THADA: variants seen among roughly 807,000 people sequenced by gnomAD.
The protein encoded by THADA is THADA armadillo repeat containing.
THADA carries 213 observed loss-of-function variants against 219.8 expected under a neutral mutation model. The ratio of observed to expected loss-of-function variants is 0.97; its 90% CI spans 0.87 to 1.09. The LOEUF (loss-of-function observed/expected upper bound fraction) is 1.09. THADA is among the 50% of genes least tolerant of loss of function. The probability of loss-of-function intolerance (pLI) is 0.00; values close to 1 mark genes in which losing one functional copy is unlikely to be tolerated. For missense variants in THADA, 2,956 were observed against 2,311.3 expected (o/e 1.28, Z -5.72); for synonymous variants, 1,018 against 828.9 (o/e 1.23, Z -3.92).
chr2:43,328,552 T>G (rs1315603919), intron 30 of THADA, among the ~76,000 whole-genome samples: 2 of 152,232 alleles, frequency 1.3e-5, no homozygotes, highest in Non-Finnish European at 2.9e-5. Context: ...GAATTCTTAC[T>G]GAGCTACCAT....
At chr2:43,414,192 C>A (rs1164787718) in intron 28 of THADA, among the ~76,000 whole-genome samples, 1 of 152,200 alleles carries the variant, frequency 6.6e-6, no homozygotes, top group Non-Finnish European at 1.5e-5. Flanking sequence ...GTGACTGAAG[C>A]ACTGGAGCTG....
At chr2:43,561,144 C>A (rs1458733146) in intron 15 of THADA, among the ~76,000 whole-genome samples, 8 of 151,876 alleles carry the variant, frequency 5.3e-5, no homozygotes, top group Non-Finnish European at 1.2e-4. Flanking sequence ...AATCTTTTGG[C>A]CCTTCAGGGA....
In THADA at chr2:43,398,144, G is replaced by A. The variant is rs1674330577; in HGVS notation, c.4059-5C>T. ...TAGACAGGTGAGTGACCACACCTGG[G>A]GAGAAATAAAAACACAAGACCATTC... On this transcript the variant is annotated splice_polypyrimidine_tract_variant and splice_region_variant and intron_variant, in intron 28 of 37. Transcript: ENST00000405975. 1 of 1,613,004 alleles carries A rather than the reference G, an allele frequency of 6.2e-7. No individual in the cohort carries two copies. Among genetic ancestry groups the A allele is most frequent in the African/African-American group, 1.3e-5 (1 of 74,902 alleles).
At chr2:43,488,417 A>G (rs1196955949) in intron 25 of THADA, among the ~76,000 whole-genome samples, 1 of 152,126 alleles carries the variant, frequency 6.6e-6, no homozygotes. Context: ...CTTCATATAC[A>G]TGGGATCATG....
rs376676079 is a variant in THADA at position 43,428,134 on chromosome 2, G to C, written c.4024C>G (p.Leu1342Val). Reference sequence around the variant, plus strand: ...AAGGGAACAAAAGGTCCCATGCTGAGAGCAGAAGAAGTACCATCCATCGGG... The same window carrying C: ...AAGGGAACAAAAGGTCCCATGCTGACAGCAGAAGAAGTACCATCCATCGGG... ...ASPMDGTSSALSMGPFVPFIM... is the reference protein window; with the variant it reads ...ASPMDGTSSAVSMGPFVPFIM... The change falls in exon 28 of 38, where the codon CTC becomes GTC. Residue 1342 changes from leucine to valine, a missense_variant. Coordinates refer to ENST00000405975, the MANE Select transcript of THADA (RefSeq NM_022065.5). 6 of 1,610,902 alleles carry C rather than the reference G, an allele frequency of 3.7e-6. No individual in the cohort carries two copies. In the African/African-American group the frequency reaches 4.0e-5, roughly 11 times the overall value.
At chr2:43,454,906 T>C (rs1408280822) in intron 26 of THADA, among the ~76,000 whole-genome samples, 1 of 151,690 alleles carries the variant, frequency 6.6e-6, no homozygotes, top group Non-Finnish European at 1.5e-5. Flanking sequence ...TCATTTTGAT[T>C]CCTAATTCTC....
chr2:43,232,825 A>G lies in THADA; in HGVS notation c.5354T>C (p.Leu1785Pro). ...SIALALALAVLCDLLQQWDQL... is the reference protein window; with the variant it reads ...SIALALALAVPCDLLQQWDQL... ...GTCCCACTGCTGGAGCAGATCACACAGGACGGCCAGGGCCAGGGCCAGAGC... is the reference window on the plus strand; with the variant it reads ...GTCCCACTGCTGGAGCAGATCACACGGGACGGCCAGGGCCAGGGCCAGAGC... Residue 1785 changes from leucine (L) to proline (P), a missense_variant, in exon 37 of 38, where the codon CTG (leucine) becomes CCG (proline). Physicochemically the swap from Leu to Pro is moderately conservative, Grantham distance 98. Coordinates refer to ENST00000405975, the MANE Select transcript of THADA (RefSeq NM_022065.5). 6.2e-7 allele frequency: 1 copy of G among 1,612,802 alleles called. No homozygotes were observed. The highest frequency in any genetic ancestry group is 8.5e-7 in the Non-Finnish European group (1 of 1,179,496).
intron 36 of THADA, among the ~76,000 whole-genome samples, chr2:43,247,993 T>C (rs942182718): frequency 1.5e-4 from 23 of 151,166 alleles, no homozygotes; most frequent in Non-Finnish European, 3.2e-4. Context: ...CAGTAAGCTG[T>C]GATCACACTG....
intron 22 of THADA, among the ~76,000 whole-genome samples, chr2:43,510,020 G>C (rs1236995828): frequency 1.3e-5 from 2 of 152,154 alleles, no homozygotes; most frequent in African/African-American, 4.8e-5. Flanking sequence ...TGTAGTGTGT[G>C]AACCTTGCTT....
intron 36 of THADA, among the ~76,000 whole-genome samples, chr2:43,265,463 G>C (rs576735184): frequency 2.0e-5 from 3 of 152,326 alleles, no homozygotes; most frequent in Non-Finnish European, 2.9e-5. Context: ...TTAGCGAGGA[G>C]AATCCTGGGG....
chr2:43,417,454 A>C (rs1677141658), intron 28 of THADA, among the ~76,000 whole-genome samples: 1 of 152,136 alleles, frequency 6.6e-6, no homozygotes. Flanking sequence ...AAGAATCTCA[A>C]AACTTCAGTT....
chr2:43,589,472 G>T (rs543224465), intron 4 of THADA, among the ~76,000 whole-genome samples: 12 of 152,184 alleles, frequency 7.9e-5, no homozygotes, highest in Non-Finnish European at 1.6e-4. Context: ...ATGGAGAGTT[G>T]TTACTTAATG....
chr2:43,401,309 C>T (rs567758208), intron 28 of THADA, among the ~76,000 whole-genome samples: 3 of 152,256 alleles, frequency 2.0e-5, no homozygotes, highest in Non-Finnish European at 4.4e-5. Flanking sequence ...GACAGAGTCT[C>T]GCTCTGTCAC....
intron 28 of THADA, among the ~76,000 whole-genome samples, chr2:43,410,044 GAAGAA>G (rs984164757): frequency 1.3e-5 from 2 of 151,236 alleles, no homozygotes; most frequent in African/African-American, 4.9e-5. Flanking sequence ...ATAAGAGAGA[GAAGAA>G]AAGAAAGCAA....
chr2:43,460,238 T>TAAAAAAAAAA (rs10560565), intron 26 of THADA, among the ~76,000 whole-genome samples: 3 of 63,542 alleles, frequency 4.7e-5, no homozygotes, highest in African/African-American at 1.2e-4. Flanking sequence ...TTTCTCTTAA[T>TAAAAAAAAAA]AAAAAAAAAA....
At chr2:43,245,024 T>C (rs1163622367) in intron 36 of THADA, among the ~76,000 whole-genome samples, 1 of 152,224 alleles carries the variant, frequency 6.6e-6, no homozygotes, top group Non-Finnish European at 1.5e-5. Context: ...TCCTCTCCTC[T>C]GCCTGGGCAG....
At chr2:43,483,440 C>A (rs2105006681) in intron 26 of THADA, among the ~76,000 whole-genome samples, 1 of 152,248 alleles carries the variant, frequency 6.6e-6, no homozygotes, top group Non-Finnish European at 1.5e-5. Flanking sequence ...AGAAATATAT[C>A]TTCATGGGTT....
Position 43,556,523 on chromosome 2 carries a change from T to C in THADA, c.2496A>G (p.Ala832=), listed in dbSNP as rs6712958. Residue 832 remains alanine, a synonymous_variant, in exon 17 of 38, where the codon GCA becomes GCG. Transcript: ENST00000405975. ...TGGTGCTTGTGCTGAGCTCCAATGC[T>C]GCCTGAAATAAGCCTTGCAGTTTCC... ...DSGKLQGLFQ[A]ALELSTSTKP... is the part of the protein sequence containing the mutation. 1.9e-6 allele frequency: 3 copies of C among 1,613,846 alleles called. No homozygotes were observed. The Admixed American group carries it at 5.0e-5, about 27-fold the overall frequency.
intron 21 of THADA, among the ~76,000 whole-genome samples, chr2:43,540,009 C>T (rs1226974047): frequency 6.6e-6 from 1 of 152,082 alleles, no homozygotes; most frequent in Non-Finnish European, 1.5e-5. Flanking sequence ...CCAACAAACC[C>T]AAAAAACTAA....
Sources: gnomAD v4.1 joint callset for allele counts (sites outside exome capture counted in the v4.1 genomes callset) on GRCh38, gnomAD v4.1.1 for gene constraint, MANE v1.5 for transcripts, NCBI Gene and HGNC (gene_info 2026-07-23, HGNC 2026-07-21) for gene names.